TRDN: variants seen among roughly 807,000 people sequenced by gnomAD.
The protein encoded by TRDN is triadin.
A neutral mutation model predicts 149.7 loss-of-function variants in TRDN; 161 were observed. That is an observed-to-expected ratio of 1.08 (90% CI 0.95 to 1.23). The LOEUF is 1.23. TRDN is among the 50% of genes most tolerant of loss of function. TRDN has a pLI of 0.00. For synonymous variants in TRDN, 294 were observed against 250.5 expected, an observed-to-expected ratio of 1.17 and a Z score of -1.64; for missense variants, 896 against 823.5, an observed-to-expected ratio of 1.09 and a Z score of -1.08.
intron 12 of TRDN, among the ~76,000 whole-genome samples, chr6:123,431,593 G>GA (rs1232628747): frequency 6.6e-6 from 1 of 151,998 alleles, no homozygotes; most frequent in Non-Finnish European, 1.5e-5. Context: ...TGGGTGATCA[G>GA]AAAAAAAGCT....
intron 9 of TRDN, chr6:123,471,293 T>G (rs2114734499): frequency 6.6e-6 from 1 of 152,262 alleles, no homozygotes; most frequent in African/African-American, 2.4e-5. Flanking sequence ...GGCAGAAAAT[T>G]TTCCATTCAC....
At chr6:123,602,121 G>C (rs964418338) in intron 1 of TRDN, among the ~76,000 whole-genome samples, 5 of 152,038 alleles carry the variant, frequency 3.3e-5, no homozygotes, top group African/African-American at 1.2e-4. Context: ...TTCTAGTGAG[G>C]AGAAGTTGCA....
At chr6:123,243,404 C>T (rs1277493678) in intron 38 of TRDN, among the ~76,000 whole-genome samples, 1 of 152,044 alleles carries the variant, frequency 6.6e-6, no homozygotes, top group East Asian at 1.9e-4. Context: ...CAAAGAAATA[C>T]AATAATTGTC....
chr6:123,586,648 A>G (rs1161726275), intron 1 of TRDN, among the ~76,000 whole-genome samples: 2 of 152,170 alleles, frequency 1.3e-5, no homozygotes, highest in African/African-American at 4.8e-5. Context: ...GCATTGCAGA[A>G]GAAAATAAGA....
chr6:123,579,510 T>C (rs1253027326), intron 1 of TRDN, among the ~76,000 whole-genome samples: 1 of 152,194 alleles, frequency 6.6e-6, no homozygotes, highest in Non-Finnish European at 1.5e-5. Flanking sequence ...AGTGATCGAT[T>C]AGCTTTTTGA....
chr6:123,633,279 G>A (rs1364450964), intron 1 of TRDN, among the ~76,000 whole-genome samples: 1 of 151,986 alleles, frequency 6.6e-6, no homozygotes, highest in Non-Finnish European at 1.5e-5. Context: ...AATCCAGTCT[G>A]GGCCTGATTC....
intron 1 of TRDN, among the ~76,000 whole-genome samples, chr6:123,573,839 A>T (rs1174555676): frequency 6.6e-6 from 1 of 152,068 alleles, no homozygotes; most frequent in Non-Finnish European, 1.5e-5. Context: ...ACAGCTATGT[A>T]CACAGGATGC....
intron 23 of TRDN, among the ~76,000 whole-genome samples, chr6:123,323,425 CTCTG>C (rs1384701072): frequency 6.6e-6 from 1 of 152,164 alleles, no homozygotes; most frequent in Admixed American, 6.6e-5. Context: ...TGTTCTCTGT[CTCTG>C]TCTCTGTCCC....
intron 1 of TRDN, among the ~76,000 whole-genome samples, chr6:123,571,745 A>G (rs1476881180): frequency 6.6e-6 from 1 of 152,092 alleles, no homozygotes; most frequent in East Asian, 1.9e-4. Flanking sequence ...ATATATAAAT[A>G]TGGTTTATCT....
chr6:123,516,043 T>G lies in TRDN; in HGVS notation c.550+98A>C, dbSNP rs17085424. On this transcript the variant is annotated intron_variant, in intron 6 of 40. Coordinates refer to ENST00000334268, the MANE Select transcript of TRDN (RefSeq NM_006073.4). ...CTGAGAAAATAATCCTAATCTAATT[T>G]GTAAAACTGCGTGGTCATCTAAAAT... 0.013 allele frequency: 15,232 copies of G among 1,198,270 alleles called. 1,589 individuals carry two copies. In the African/African-American group the frequency reaches 0.22, roughly 17 times the overall value. The allele number at this position is 1,198,270 out of a possible 1,614,324, so 74.2% of individuals were successfully genotyped here.
At chr6:123,561,621 C>T (rs1782005989) in intron 2 of TRDN, among the ~76,000 whole-genome samples, 2 of 152,182 alleles carry the variant, frequency 1.3e-5, no homozygotes, top group Non-Finnish European at 2.9e-5. Flanking sequence ...TCCCAATTTT[C>T]AGTCCTTTAA....
At chr6:123,580,684 C>A (rs1783078463) in intron 1 of TRDN, among the ~76,000 whole-genome samples, 1 of 152,090 alleles carries the variant, frequency 6.6e-6, no homozygotes, top group South Asian at 2.1e-4. Flanking sequence ...AGAGACCCTG[C>A]CTATCACCAA....
intron 10 of TRDN, among the ~76,000 whole-genome samples, chr6:123,452,252 T>C (rs1488722257): frequency 1.3e-5 from 2 of 152,054 alleles, no homozygotes; most frequent in South Asian, 2.1e-4. Flanking sequence ...GCCAGAGCAA[T>C]TAGACAAGAG....
intron 23 of TRDN, among the ~76,000 whole-genome samples, chr6:123,328,306 C>T (rs1159007566): frequency 6.6e-6 from 1 of 152,216 alleles, no homozygotes; most frequent in Non-Finnish European, 1.5e-5. Flanking sequence ...AATGCCAATG[C>T]ATAGGCAGAA....
intron 2 of TRDN, among the ~76,000 whole-genome samples, chr6:123,560,976 C>T (rs1260202220): frequency 2.0e-5 from 3 of 152,160 alleles, no homozygotes; most frequent in Admixed American, 2.0e-4. Flanking sequence ...CCCTTTCCTA[C>T]ACATCAAGCT....
At chr6:123,237,915 G>A (rs1313491790) in intron 38 of TRDN, among the ~76,000 whole-genome samples, 1 of 152,030 alleles carries the variant, frequency 6.6e-6, no homozygotes, top group Non-Finnish European at 1.5e-5. Context: ...TACACAGGAA[G>A]AAATGACAAT....
rs60065532 is a variant in TRDN at position 123,425,232 on chromosome 6, GGTGTGTGTGT to G, written c.1051+12821_1051+12830del. On this transcript the variant is annotated intron_variant, in intron 12 of 40. Transcript: ENST00000334268. Reference sequence around the variant, plus strand: ...GCATAGAGCCACATTCAGAGGTAGAGGTGTGTGTGTGTGTGTGTGTGTGTGTGTGTGTGTG... The same window carrying G: ...GCATAGAGCCACATTCAGAGGTAGAGGTGTGTGTGTGTGTGTGTGTGTGTG... 1.0e-2 allele frequency among the ~76,000 whole-genome samples: 1,387 copies of G among 138,804 alleles called. 10 individuals carry two copies. The highest frequency in any genetic ancestry group is 0.035 in the Middle Eastern group (10 of 286). 91.1% of individuals were successfully genotyped at this position (138,804 alleles called of 152,430 possible). A position where few individuals can be genotyped will look rare whatever the true frequency, so the allele number is the denominator to read the frequency against.
At chr6:123,528,963 A>T (rs940610594) in intron 5 of TRDN, 66 of 1,224,486 alleles carry the variant, frequency 5.4e-5, no homozygotes, top group Non-Finnish European at 6.7e-5. Context: ...GTCTTTGAGA[A>T]ATTTATTTTA....
rs139524395 is a variant in TRDN, at chr6:123,516,035, AT to A, written c.550+105del. 1,486 of 1,153,520 alleles carry A rather than the reference AT, an allele frequency of 1.3e-3. 15 individuals are homozygous for A. The African/African-American group carries it at 0.022, about 17-fold the overall frequency. 71.5% of individuals were successfully genotyped at this position (1,153,520 alleles called of 1,614,324 possible). ...ATTCTATTCTGAGAAAATAATCCTA[AT>A]CTAATTTGTAAAACTGCGTGGTCAT... On this transcript the variant is annotated intron_variant, in intron 6 of 40. Coordinates refer to ENST00000334268, the MANE Select transcript of TRDN (RefSeq NM_006073.4).
Sources: gnomAD v4.1 joint callset for allele counts (sites outside exome capture counted in the v4.1 genomes callset) on GRCh38, gnomAD v4.1.1 for gene constraint, MANE v1.5 for transcripts, NCBI Gene and HGNC (gene_info 2026-07-23, HGNC 2026-07-21) for gene names.